Variants in TTC7A observed in about 807,000 individuals in gnomAD.
The protein encoded by TTC7A is tetratricopeptide repeat protein 7A.
A neutral mutation model predicts 103.7 loss-of-function variants in TTC7A; 110 were observed. The observed-to-expected ratio is 1.06, with a 90% CI of 0.91 to 1.24. The LOEUF is 1.24. Among genes scored for constraint, TTC7A ranks in the 50% most tolerant of loss-of-function variants. The pLI, the probability that TTC7A is intolerant of heterozygous loss-of-function variation, is 0.00. For missense variants in TTC7A, 1,340 were observed against 1,116.3 expected, an observed-to-expected ratio of 1.20 and a Z score of -2.86; for synonymous variants, 521 against 467.9, an observed-to-expected ratio of 1.11 and a Z score of -1.47.
At chr2:46,994,326 G>T (rs772947200) in intron 6 of TTC7A, 31 bp from the exon 7 acceptor site, 6 of 1,599,620 alleles carry the variant, frequency 3.8e-6, no homozygotes, top group Non-Finnish European at 5.1e-6. Context: ...TGACAACTGT[G>T]CCTGGGTCCG....
At chr2:46,945,755 G>T (rs75840280) in intron 1 of TTC7A, among the ~76,000 whole-genome samples, 56 of 152,076 alleles carry the variant, frequency 3.7e-4, no homozygotes, top group Non-Finnish European at 6.8e-4. Flanking sequence ...TTCTTCTTAA[G>T]ACTGGAGATT....
chr2:47,014,045 A>G (rs1678359145), intron 11 of TTC7A, among the ~76,000 whole-genome samples: 1 of 152,190 alleles, frequency 6.6e-6, no homozygotes, highest in African/African-American at 2.4e-5. Flanking sequence ...TCTTGAGTGC[A>G]GGAATTATCT....
chr2:46,986,877 C>T (rs1005480004), intron 5 of TTC7A, among the ~76,000 whole-genome samples: 13 of 152,202 alleles, frequency 8.5e-5, no homozygotes, highest in South Asian at 2.1e-4. Context: ...GGACCCCAGA[C>T]GCTTTCCTTG....
intron 15 of TTC7A, among the ~76,000 whole-genome samples, chr2:47,036,147 G>A (rs1409500711): frequency 6.6e-6 from 1 of 152,188 alleles, no homozygotes; most frequent in Non-Finnish European, 1.5e-5. Context: ...CCGAGACCCG[G>A]AGGCCAGTTG....
chr2:46,996,372 T>C (rs1375663634), intron 8 of TTC7A, among the ~76,000 whole-genome samples: 2 of 152,224 alleles, frequency 1.3e-5, no homozygotes, highest in East Asian at 3.8e-4. Flanking sequence ...GAGAGCAGTG[T>C]ATGGATATGG....
intron 18 of TTC7A, among the ~76,000 whole-genome samples, chr2:47,059,339 G>A (rs1299481861): frequency 6.6e-6 from 1 of 151,838 alleles, no homozygotes; most frequent in African/African-American, 2.4e-5. Context: ...TTTTAAGTAT[G>A]GATTATAGCA....
chr2:47,072,053 C>A (rs1410757291), intron 19 of TTC7A, among the ~76,000 whole-genome samples: 1 of 152,202 alleles, frequency 6.6e-6, no homozygotes, highest in Non-Finnish European at 1.5e-5. Context: ...TCCTTCCCTC[C>A]TCCCTGTGGG....
chr2:47,024,387 G>A, intron 14 of TTC7A, 28 bp downstream of exon 14: 1 of 1,581,308 alleles, frequency 6.3e-7, no homozygotes, highest in Non-Finnish European at 8.6e-7. Flanking sequence ...CTAACCCCCG[G>A]GTCCTCGGGG....
At chr2:46,981,499 G>A (rs1039107746) in intron 5 of TTC7A, among the ~76,000 whole-genome samples, 2 of 152,156 alleles carry the variant, frequency 1.3e-5, no homozygotes, top group Admixed American at 1.3e-4. Context: ...AGAGAGGGTG[G>A]GATGAGGCTG....
intron 15 of TTC7A, among the ~76,000 whole-genome samples, chr2:47,030,271 G>A (rs1680390277): frequency 6.6e-6 from 1 of 152,212 alleles, no homozygotes; most frequent in African/African-American, 2.4e-5. Context: ...TGTGTAAACA[G>A]GTTCACAAAG....
intron 3 of TTC7A, among the ~76,000 whole-genome samples, chr2:46,960,597 T>C (rs1241560165): frequency 1.3e-5 from 2 of 152,248 alleles, no homozygotes; most frequent in African/African-American, 4.8e-5. Context: ...TCCCAGGTGA[T>C]GTACACGCAC....
rs767356669 is a variant in TTC7A, at chr2:47,021,893, T to C, written c.1424T>C (p.Val475Ala). The C allele has an allele frequency of 3.1e-6, 5 of 1,614,060 alleles. No individual in the cohort carries two copies. The highest frequency in any genetic ancestry group is 1.7e-5 in the Admixed American group (1 of 60,002). ...GAAGCAGAGCACTTTGCCATGATGG[T>C]GATCAGCCTCGGAGAGGAAGCCGGG... ...LEEAEHFAMMVISLGEEAGEF... is the reference protein window; with the variant it reads ...LEEAEHFAMMAISLGEEAGEF... Residue 475 changes from valine to alanine, a missense_variant, in exon 12 of 20, where the codon GTG becomes GCG. Coordinates refer to ENST00000319190, the MANE Select transcript of TTC7A (RefSeq NM_020458.4).
At position 47,060,815 on chromosome 2, in the gene TTC7A, C is replaced by T; in HGVS notation, c.2199C>T (p.Cys733=). The T allele has an allele frequency of 5.0e-6, 8 of 1,613,274 alleles. No homozygotes were observed. Among genetic ancestry groups the T allele is most frequent in the Non-Finnish European group, 6.8e-6 (8 of 1,179,336 alleles). The part of the protein sequence containing the change: ...EQQHLKEAGF[C]IQEAAGLFPT... The stretch of plus-strand genomic sequence containing the variant: ...AGCACCTCAAGGAAGCAGGTTTCTG[C>T]ATCCAGGAGGCGGCGGGCCTCTTCC... The change falls in exon 19 of 20, where the codon TGC becomes TGT. Residue 733 remains cysteine (C), a synonymous_variant. Transcript: ENST00000319190.
At chr2:46,992,071 C>T (rs1161517594) in intron 5 of TTC7A, among the ~76,000 whole-genome samples, 3 of 152,184 alleles carry the variant, frequency 2.0e-5, no homozygotes, top group Non-Finnish European at 4.4e-5. Flanking sequence ...TTCTTGGCTG[C>T]CAGCTTTGGC....
chr2:47,050,219 T>C (rs1682741964), intron 17 of TTC7A, 173 bp downstream of exon 17: 1 of 612,888 alleles, frequency 1.6e-6, no homozygotes, highest in Non-Finnish European at 2.9e-6. Flanking sequence ...GGGTAGGGGC[T>C]GGCTGCTGGT....
chr2:46,960,796 G>A lies in TTC7A; in HGVS notation c.517+3789G>A, dbSNP rs1466185999. 3.9e-5 allele frequency among the ~76,000 whole-genome samples: 6 copies of A among 152,202 alleles called. No individual in the cohort carries two copies. In the East Asian group the frequency reaches 1.2e-3, roughly 29 times the overall value. Reference sequence around the variant, plus strand: ...TGTCTCTAAAGCTTGTGTCCCACCTGTAACAGAGGAGCCCACCAGAGGGTG... The same window carrying A: ...TGTCTCTAAAGCTTGTGTCCCACCTATAACAGAGGAGCCCACCAGAGGGTG... On this transcript the variant is annotated intron_variant, in intron 3 of 19. Transcript: ENST00000319190.
chr2:46,937,177 GA>G, upstream of TTC7A, among the ~76,000 whole-genome samples: 1 of 152,120 alleles, frequency 6.6e-6, no homozygotes, highest in South Asian at 2.1e-4. This position sits in a 1 kb window ranked among gnomAD's most constrained non-coding sequence, Gnocchi z 4.0. Context: ...TTCCTTAACA[GA>G]TTTCTTGGCC....
At chr2:46,977,689 G>C (rs1674012394) in intron 4 of TTC7A, among the ~76,000 whole-genome samples, 1 of 152,208 alleles carries the variant, frequency 6.6e-6, no homozygotes, top group Non-Finnish European at 1.5e-5. Flanking sequence ...GGCTAGGCTT[G>C]AGTTTGAGGT....
intron 8 of TTC7A, chr2:46,999,608 C>T (rs1449307237): frequency 1.0e-6 from 1 of 985,444 alleles, no homozygotes; most frequent in South Asian, 4.7e-5. Context: ...GTGGAGGAAA[C>T]CCTGGTCCCC....
Sources: gnomAD v4.1 joint callset for allele counts (sites outside exome capture counted in the v4.1 genomes callset) on GRCh38, gnomAD v4.1.1 for gene constraint, Gnocchi (gnomAD v3.1) non-coding constraint, MANE v1.5 for transcripts, NCBI Gene and HGNC (gene_info 2026-07-23, HGNC 2026-07-21) for gene names.